KALRN: variants seen among roughly 807,000 people sequenced by gnomAD.
KALRN encodes the protein kalirin RhoGEF kinase.
KALRN carries 70 observed loss-of-function variants against 353.7 expected under a neutral mutation model. That is an observed-to-expected ratio of 0.20 (90% CI 0.16 to 0.24). KALRN has a LOEUF of 0.24. KALRN is among the 10% of genes least tolerant of loss of function. The pLI, the probability that KALRN is intolerant of heterozygous loss-of-function variation, is 1.00. For synonymous variants in KALRN, 1,391 were observed against 1,434.8 expected, an observed-to-expected ratio of 0.97 and a Z score of 0.69; for missense variants, 2,791 against 3,756.7, an observed-to-expected ratio of 0.74 and a Z score of 6.72.
intron 1 of KALRN, among the ~76,000 whole-genome samples, chr3:124,220,880 C>T (rs2077832016): frequency 6.6e-6 from 1 of 152,210 alleles, no homozygotes; most frequent in Non-Finnish European, 1.5e-5. Flanking sequence ...CTCCCCGTAT[C>T]CTCAAAGATA....
intron 33 of KALRN, among the ~76,000 whole-genome samples, chr3:124,517,286 G>T (rs777789317): frequency 3.3e-5 from 5 of 152,084 alleles, no homozygotes; most frequent in Non-Finnish European, 7.4e-5. Flanking sequence ...GGAAGCTCAG[G>T]GTAACTGCCA....
At chr3:124,459,118 G>A (rs2059611731) in intron 23 of KALRN, among the ~76,000 whole-genome samples, 1 of 152,172 alleles carries the variant, frequency 6.6e-6, no homozygotes, top group Non-Finnish European at 1.5e-5. Flanking sequence ...TGCTTTAGGA[G>A]GCATTCCAGC....
intron 3 of KALRN, among the ~76,000 whole-genome samples, chr3:124,238,928 C>A (rs1336965666): frequency 6.6e-6 from 1 of 152,174 alleles, no homozygotes; most frequent in Admixed American, 6.5e-5. Flanking sequence ...TCATAGGTAA[C>A]AGGGTGGGAA....
intron 1 of KALRN, chr3:124,094,750 G>A (rs1487083996): frequency 7.1e-6 from 8 of 1,120,660 alleles, no homozygotes; most frequent in Admixed American, 5.1e-5. Context: ...CGAGCCCAGC[G>A]TCAAGTGATT....
chr3:124,333,524 T>C (rs770597142), intron 8 of KALRN, among the ~76,000 whole-genome samples: 1 of 152,158 alleles, frequency 6.6e-6, no homozygotes. Flanking sequence ...GAGAGGATTA[T>C]GGTGGGAACT....
At chr3:124,661,718 C>A in intron 44 of KALRN, 133 bp from the exon 45 acceptor site, 1 of 736,388 alleles carries the variant, frequency 1.4e-6, no homozygotes, top group South Asian at 1.6e-5. Flanking sequence ...GAGTGGACAG[C>A]CAGAACCAGC....
At chr3:124,339,576 T>C (rs560039593) in intron 9 of KALRN, among the ~76,000 whole-genome samples, 69 of 152,266 alleles carry the variant, frequency 4.5e-4, no homozygotes, top group African/African-American at 1.7e-3. Context: ...TAGGAGCTGC[T>C]CCCCTTCAGA....
chr3:124,610,930 G>A (rs896107084), intron 34 of KALRN, among the ~76,000 whole-genome samples: 4 of 152,184 alleles, frequency 2.6e-5, no homozygotes, highest in African/African-American at 9.7e-5. Flanking sequence ...GGAAGCTGTG[G>A]TGGGAGGATT....
chr3:124,270,840 T>G (rs6769526), intron 5 of KALRN, among the ~76,000 whole-genome samples: 62,927 of 146,484 alleles, frequency 0.43, 13,686 homozygotes, highest in Middle Eastern at 0.48. Context: ...TTTTTTTTTT[T>G]TTTTTTTGAG....
intron 3 of KALRN, among the ~76,000 whole-genome samples, chr3:124,255,883 G>A (rs1195730131): frequency 6.6e-6 from 1 of 152,198 alleles, no homozygotes; most frequent in Non-Finnish European, 1.5e-5. Flanking sequence ...GGCATGAGAG[G>A]GCAAACTGAA....
chr3:124,563,159 G>T, intron 34 of KALRN, 70 bp downstream of exon 34: 1 of 1,315,588 alleles, frequency 7.6e-7, no homozygotes, highest in Non-Finnish European at 1.0e-6. Flanking sequence ...TCTAGCTGAA[G>T]ACCACCATGG....
At chr3:124,199,179 T>C (rs1312870859) in intron 1 of KALRN, among the ~76,000 whole-genome samples, 3 of 152,246 alleles carry the variant, frequency 2.0e-5, no homozygotes, top group Non-Finnish European at 4.4e-5. Context: ...ATGCCTGACA[T>C]TCACTCTTGC....
chr3:124,535,078 C>G (rs568483461), intron 33 of KALRN, among the ~76,000 whole-genome samples: 1 of 151,936 alleles, frequency 6.6e-6, no homozygotes, highest in East Asian at 1.9e-4. Flanking sequence ...TCTGTTTCTG[C>G]CTATGAGACC....
At chr3:124,444,483 T>C (rs60194741) in intron 19 of KALRN, among the ~76,000 whole-genome samples, 2,251 of 152,154 alleles carry the variant, frequency 0.015, 77 homozygotes, top group East Asian at 0.079. Flanking sequence ...AAGGCTTAGA[T>C]ACAGGGAAGG....
intron 34 of KALRN, among the ~76,000 whole-genome samples, chr3:124,577,797 T>A (rs1227947322): frequency 6.6e-6 from 1 of 152,010 alleles, no homozygotes; most frequent in Admixed American, 6.6e-5. Flanking sequence ...GATTTTGAGG[T>A]TACAGTGAGC....
chr3:124,061,431 G>C (rs972916576), intron 1 of KALRN, among the ~76,000 whole-genome samples: 4 of 152,164 alleles, frequency 2.6e-5, no homozygotes, highest in African/African-American at 9.7e-5. Context: ...AGGCAATATG[G>C]TGCCAAAGCC....
intron 5 of KALRN, among the ~76,000 whole-genome samples, chr3:124,281,952 C>T (rs1209041244): frequency 6.6e-6 from 1 of 152,194 alleles, no homozygotes; most frequent in Non-Finnish European, 1.5e-5. Context: ...GGAACGCTAC[C>T]TTAATGCACT....
At chr3:124,594,287 G>A (rs897354783) in intron 34 of KALRN, among the ~76,000 whole-genome samples, 14 of 152,078 alleles carry the variant, frequency 9.2e-5, no homozygotes, top group African/African-American at 2.9e-4. Flanking sequence ...GTGCAGTGGC[G>A]CAATCTTGAC....
At chr3:124,639,147 A>G (rs988622206) in intron 37 of KALRN, among the ~76,000 whole-genome samples, 45 of 151,998 alleles carry the variant, frequency 3.0e-4, no homozygotes, top group African/African-American at 9.7e-4. Flanking sequence ...CTTCCCTCCA[A>G]GTTTTTGTTC....
Sources: allele counts gnomAD v4.1 joint callset (sites outside exome capture counted in the v4.1 genomes callset), GRCh38; gene constraint gnomAD v4.1.1; transcripts MANE v1.5; gene names NCBI Gene and HGNC (gene_info 2026-07-23, HGNC 2026-07-21).